Variants in RBM10 observed in about 807,000 individuals in gnomAD.
The protein encoded by RBM10 is RNA-binding protein 10.
A neutral mutation model predicts 84.9 loss-of-function variants in RBM10; 1 was observed. The ratio of observed to expected loss-of-function variants is 0.01; its 90% CI spans 0.00 to 0.06. RBM10 has a LOEUF of 0.06. Among genes scored for constraint, RBM10 ranks in the 10% least tolerant of loss-of-function variants. RBM10 has a pLI of 1.00. For synonymous variants in RBM10, 326 were observed against 344.5 expected (o/e 0.95, Z 0.60); for missense variants, 438 against 839.0 (o/e 0.52, Z 5.90).
chrX:47,163,165 T>C (rs1403666063), intron 2 of RBM10, among the ~76,000 whole-genome samples: 1 of 111,351 alleles, frequency 9.0e-6, no homozygotes, highest in African/African-American at 3.3e-5. Context: ...TCAAAACTGT[T>C]AAGGTCATTA....
chrX:47,173,608 T>A (rs1235296686), intron 5 of RBM10, among the ~76,000 whole-genome samples: 3 of 112,394 alleles, frequency 2.7e-5, no homozygotes, highest in African/African-American at 9.7e-5. Flanking sequence ...AGAAAGTAGC[T>A]CTGACGTGGT....
At chrX:47,159,208 G>A (rs1933444877) in intron 2 of RBM10, among the ~76,000 whole-genome samples, 1 of 111,524 alleles carries the variant, frequency 9.0e-6, no homozygotes, top group Non-Finnish European at 1.9e-5. Flanking sequence ...TAGGGAGTTC[G>A]AGACCAGCCT....
At chrX:47,165,241 C>T (rs920564798) in intron 2 of RBM10, among the ~76,000 whole-genome samples, 5 of 111,420 alleles carry the variant, frequency 4.5e-5, no homozygotes, top group Non-Finnish European at 9.4e-5. Context: ...GTTGGCTGGG[C>T]GCGGTGGCTC....
intron 6 of RBM10, among the ~76,000 whole-genome samples, chrX:47,175,938 G>C (rs781948120): frequency 8.9e-6 from 1 of 112,588 alleles, no homozygotes; most frequent in Non-Finnish European, 1.9e-5. Context: ...GATCCCGGCA[G>C]AGGCAGCCCT....
chrX:47,157,875 G>C (rs1933296306), intron 2 of RBM10: 1 of 292,401 alleles, frequency 3.4e-6, no homozygotes, highest in Non-Finnish European at 6.0e-6. Flanking sequence ...TGCCCCCCAG[G>C]TTCAAGCGAT....
chrX:47,145,282 A>T lies in RBM10; in HGVS notation c.-329A>T. ...TCGTCGTCGCCATTTTGAGCTGGTG[A>T]CTGTGGCCGGCTGGGAGTAGGCGGC... On this transcript the variant is annotated 5_prime_UTR_variant, in exon 1 of 24. Coordinates refer to ENST00000377604, the MANE Select transcript of RBM10 (RefSeq NM_005676.5). 3 of 549,222 alleles carry T rather than the reference A, an allele frequency of 5.5e-6. No homozygotes were observed. The highest frequency in any genetic ancestry group is 7.3e-5 in the East Asian group (2 of 27,389). The allele number at this position is 549,222 out of a possible 1,213,427, so 45.3% of individuals were successfully genotyped here.
chrX:47,164,943 T>C (rs1343155855), intron 2 of RBM10, among the ~76,000 whole-genome samples: 1 of 111,679 alleles, frequency 9.0e-6, no homozygotes, highest in Non-Finnish European at 1.9e-5. Flanking sequence ...TATTCCACCA[T>C]AAAAAGGAAG....
At chrX:47,158,223 G>T in intron 2 of RBM10, 1 of 190,752 alleles carries the variant, frequency 5.2e-6, no homozygotes, top group South Asian at 7.3e-5. Context: ...CAAGGAGCCT[G>T]GGTCCTGAGG....
chrX:47,157,310 G>A, intron 2 of RBM10: 1 of 335,476 alleles, frequency 3.0e-6, no homozygotes, highest in Non-Finnish European at 5.9e-6. Flanking sequence ...ACAGAACGGT[G>A]TTGTGGTTGA....
At chrX:47,175,201 T>TTCCCTCCCCCCCC in intron 6 of RBM10, 109 bp downstream of exon 6, 1 of 501,411 alleles carries the variant, frequency 2.0e-6, no homozygotes, top group Non-Finnish European at 3.4e-6. Context: ...TGGCCCTGTG[T>TTCCCTCCCCCCCC]CCCATCCCCC....
intron 7 of RBM10, 134 bp downstream of exon 7, chrX:47,176,720 C>CTG: frequency 2.1e-6 from 2 of 948,257 alleles, no homozygotes; most frequent in Admixed American, 2.8e-5. Context: ...CTCTGTCTCT[C>CTG]TCTCTCTCTC....
At chrX:47,181,153 G>C (rs1935496043) in intron 12 of RBM10, 62 bp from the exon 13 acceptor site, 1 of 205,981 alleles carries the variant, frequency 4.9e-6, no homozygotes, top group African/African-American at 3.3e-5. Flanking sequence ...CTTCTAGCAG[G>C]TTCCCCACCC....
intron 2 of RBM10, among the ~76,000 whole-genome samples, chrX:47,169,054 G>A (rs782105468): frequency 9.0e-6 from 1 of 110,529 alleles, no homozygotes; most frequent in Non-Finnish European, 1.9e-5. Flanking sequence ...AATAGAGTAG[G>A]GGGAGGGAAA....
chrX:47,167,855 T>C (rs73201991), intron 2 of RBM10, among the ~76,000 whole-genome samples: 114 of 112,556 alleles, frequency 1.0e-3, no homozygotes, highest in Non-Finnish European at 1.9e-3. Context: ...AGTTTTTCAG[T>C]TGATTCTCTT....
intron 3 of RBM10, among the ~76,000 whole-genome samples, chrX:47,170,772 T>A (rs990541229): frequency 1.8e-5 from 2 of 110,050 alleles, no homozygotes; most frequent in Non-Finnish European, 3.8e-5. Flanking sequence ...CCTTTGGGAG[T>A]TCCCCCCACA....
chrX:47,183,536 T>TTA (rs1292279451), intron 17 of RBM10, among the ~76,000 whole-genome samples: 1 of 107,339 alleles, frequency 9.3e-6, no homozygotes, highest in African/African-American at 3.4e-5. Flanking sequence ...TATATATATA[T>TTA]TATATATATA....
intron 2 of RBM10, among the ~76,000 whole-genome samples, chrX:47,152,810 CACACACG>C (rs1408277066): frequency 8.4e-5 from 9 of 106,930 alleles, no homozygotes; most frequent in African/African-American, 2.8e-4. Flanking sequence ...CACACACACA[CACACACG>C]TTTTTTTTAA....
At chrX:47,174,894 C>T in intron 5 of RBM10, 125 bp from the exon 6 acceptor site, 1 of 534,790 alleles carries the variant, frequency 1.9e-6, no homozygotes, top group Non-Finnish European at 3.3e-6. Context: ...CTCTTTCTTC[C>T]TTTTTCCTCT....
Position 47,181,229 on chromosome X carries a change from G to A in RBM10, c.1263G>A (p.Gly421=), listed in dbSNP as rs2147183781. ...CTGCCCTTCAGGCCTCCCAAGGTGGGGAGGGTACCTGGGCCACCTCCGAGG... is the reference window on the plus strand; with the variant it reads ...CTGCCCTTCAGGCCTCCCAAGGTGGAGAGGGTACCTGGGCCACCTCCGAGG... The part of the protein sequence containing the change: ...QWAISQASQG[G]EGTWATSEEP... Residue 421 remains glycine, a synonymous_variant, in exon 13 of 24, where the codon GGG becomes GGA. Transcript: ENST00000377604. The A allele has an allele frequency of 8.6e-7, 1 of 1,161,098 alleles. No individual in the cohort carries two copies. The highest frequency in any genetic ancestry group is 1.1e-6 in the Non-Finnish European group (1 of 872,051).
Sources: gnomAD v4.1 joint callset for allele counts (sites outside exome capture counted in the v4.1 genomes callset) on GRCh38, gnomAD v4.1.1 for gene constraint, MANE v1.5 for transcripts, NCBI Gene and HGNC (gene_info 2026-07-23, HGNC 2026-07-21) for gene names.